Variants in NCOA6 observed in about 807,000 individuals in gnomAD.
NCOA6 encodes NRC RAP250.
Under a neutral mutation model 171.4 loss-of-function variants are expected in NCOA6, and 49 were observed. The ratio of observed to expected loss-of-function variants is 0.29; its 90% CI spans 0.23 to 0.36. The LOEUF (loss-of-function observed/expected upper bound fraction) is 0.36. Among genes scored for constraint, NCOA6 ranks in the 10% least tolerant of loss-of-function variants. The pLI, the probability that NCOA6 is intolerant of heterozygous loss-of-function variation, is 1.00. For synonymous variants in NCOA6, 910 were observed against 927.5 expected (o/e 0.98, Z 0.34); for missense variants, 2,248 against 2,554.5 (o/e 0.88, Z 2.59).
intron 3 of NCOA6, among the ~76,000 whole-genome samples, chr20:34,779,496 G>A (rs1355080634): frequency 6.6e-6 from 1 of 152,070 alleles, no homozygotes; most frequent in East Asian, 1.9e-4. Flanking sequence ...CCTGGGTGAT[G>A]GGGTGAGACA....
chr20:34,731,318 C>T (rs558688478), intron 13 of NCOA6, among the ~76,000 whole-genome samples: 1 of 152,366 alleles, frequency 6.6e-6, no homozygotes, highest in East Asian at 1.9e-4. Flanking sequence ...CTGCACCCAG[C>T]CTCATTCTAG....
At chr20:34,744,511 A>G (rs2145618156) in intron 10 of NCOA6, among the ~76,000 whole-genome samples, 1 of 152,300 alleles carries the variant, frequency 6.6e-6, no homozygotes, top group Non-Finnish European at 1.5e-5. Context: ...AATAAGAACA[A>G]CTGGCTCTGG....
chr20:34,759,116 C>A (rs1183360437), intron 5 of NCOA6, among the ~76,000 whole-genome samples, 183 bp from the exon 6 acceptor site: 2 of 151,780 alleles, frequency 1.3e-5, no homozygotes, highest in African/African-American at 4.8e-5. Flanking sequence ...ACTTCCCGGG[C>A]CCAAGTGATC....
intron 1 of NCOA6, among the ~76,000 whole-genome samples, chr20:34,797,750 T>C (rs2078124608): frequency 6.6e-6 from 1 of 151,856 alleles, no homozygotes; most frequent in East Asian, 1.9e-4. Flanking sequence ...TAGCTGGGCG[T>C]GGTGGTGCAT....
At chr20:34,820,597 C>T (rs1047599682) in intron 1 of NCOA6, 10 of 151,568 alleles carry the variant, frequency 6.6e-5, no homozygotes, top group African/African-American at 2.2e-4. Flanking sequence ...ATGATGAAAC[C>T]CCATCCCTAC....
intron 8 of NCOA6, among the ~76,000 whole-genome samples, chr20:34,752,833 G>C (rs1185988572): frequency 6.7e-6 from 1 of 149,876 alleles, no homozygotes; most frequent in East Asian, 2.0e-4. Flanking sequence ...AAAAACGCTT[G>C]AACCTGGGAG....
In NCOA6 at chr20:34,776,309, G is replaced by A; in HGVS notation, c.375C>T (p.Leu125=). 1 of 1,613,930 alleles carries A rather than the reference G, an allele frequency of 6.2e-7. No individual in the cohort carries two copies. Among genetic ancestry groups the A allele is most frequent in the Non-Finnish European group, 8.5e-7 (1 of 1,180,018 alleles). The change falls in exon 4 of 15, where the codon CTC becomes CTT. Residue 125 remains leucine (L), a synonymous_variant. Transcript: ENST00000359003. ...GTAAAAGACCTTCAATCTGAACGGAGAGAATCCCTAAATCCCGAAGCTGCT... is the reference window on the plus strand; with the variant it reads ...GTAAAAGACCTTCAATCTGAACGGAAAGAATCCCTAAATCCCGAAGCTGCT... ...NNQQLRDLGI[L]SVQIEGEGAI...
chr20:34,757,950 T>C lies in NCOA6; in HGVS notation c.798A>G (p.Gln266=), dbSNP rs1295612325. The change falls in exon 7 of 15, where the codon CAA becomes CAG. Residue 266 remains glutamine (Q), a synonymous_variant. Transcript: ENST00000359003. Reference sequence around the variant, plus strand: ...GCTGCTGCTGCTGCTGCTGTTGTTGTTGTTGCTGCTGCTGCTGCAGCTGGG... The same window carrying C: ...GCTGCTGCTGCTGCTGCTGTTGTTGCTGTTGCTGCTGCTGCTGCAGCTGGG... ...NFPQLQQQQQ[Q]QQQQQQQQQQ... is the part of the protein sequence containing the mutation. 2.5e-6 allele frequency: 4 copies of C among 1,613,654 alleles called. No homozygotes were observed. The African/African-American group carries it at 4.0e-5, about 16-fold the overall frequency.
intron 13 of NCOA6, among the ~76,000 whole-genome samples, chr20:34,732,088 T>C (rs2075801526): frequency 6.6e-6 from 1 of 152,216 alleles, no homozygotes; most frequent in African/African-American, 2.4e-5. Flanking sequence ...GTTGAAGCCA[T>C]AGATGTATGT....
intron 5 of NCOA6, among the ~76,000 whole-genome samples, chr20:34,767,679 T>C (rs560969733): frequency 6.6e-6 from 1 of 152,208 alleles, no homozygotes; most frequent in South Asian, 2.1e-4. Context: ...GGGGAATGAC[T>C]GGGTAAGCAG....
chr20:34,757,839 T>C lies in NCOA6; in HGVS notation c.909A>G (p.Arg303=). Residue 303 remains arginine, a synonymous_variant, in exon 7 of 15, where the codon CGA becomes CGG. Transcript: ENST00000359003. ...QHQQQQPQGI[R]PQFTAPTQVP... ...CCTGAGTTGGGGCAGTAAACTGGGG[T>C]CGAATTCCCTGTGGCTGTTGCTGCT... 6.2e-7 allele frequency: 1 copy of C among 1,613,946 alleles called. No homozygotes were observed. The highest frequency in any genetic ancestry group is 8.5e-7 in the Non-Finnish European group (1 of 1,179,982).
At chr20:34,751,692 T>C (rs2069904103) in intron 8 of NCOA6, among the ~76,000 whole-genome samples, 3 of 152,134 alleles carry the variant, frequency 2.0e-5, no homozygotes, top group African/African-American at 7.2e-5. Flanking sequence ...GCGCAGTCCC[T>C]GGTGAATCAT....
intron 10 of NCOA6, among the ~76,000 whole-genome samples, chr20:34,743,999 A>C (rs182689587): frequency 7.2e-5 from 11 of 152,356 alleles, no homozygotes; most frequent in African/African-American, 2.4e-4. Flanking sequence ...AAACCGACTG[A>C]ATTAAAATTG....
intron 4 of NCOA6, among the ~76,000 whole-genome samples, chr20:34,769,927 A>C (rs2077094400): frequency 1.3e-5 from 2 of 152,138 alleles, no homozygotes. Flanking sequence ...GAAAGGCTGC[A>C]CTCACCCAAG....
chr20:34,788,915 G>A (rs898179960), intron 2 of NCOA6, among the ~76,000 whole-genome samples: 1 of 152,116 alleles, frequency 6.6e-6, no homozygotes, highest in Non-Finnish European at 1.5e-5. Context: ...ATTCCAGCCT[G>A]GGTAACAAGA....
At chr20:34,724,354 A>T (rs1989715859) in intron 14 of NCOA6, among the ~76,000 whole-genome samples, 1 of 152,142 alleles carries the variant, frequency 6.6e-6, no homozygotes, top group Non-Finnish European at 1.5e-5. Context: ...GGCTCTTGTG[A>T]GGCATCGTGA....
intron 12 of NCOA6, among the ~76,000 whole-genome samples, chr20:34,734,081 T>C (rs534427100): frequency 1.3e-5 from 2 of 152,124 alleles, no homozygotes; most frequent in Admixed American, 6.5e-5. Flanking sequence ...CTCATTGTTT[T>C]TTATTTTTTT....
intron 1 of NCOA6, chr20:34,819,867 T>C (rs540954198): frequency 6.6e-6 from 1 of 152,214 alleles, no homozygotes; most frequent in Admixed American, 6.5e-5. Flanking sequence ...GTTTTATTTG[T>C]CCAAGGTCAC....
At position 34,749,704 on chromosome 20, in the gene NCOA6, G is replaced by A. The variant is rs370085284; in HGVS notation, c.2491C>T (p.Pro831Ser). The stretch of plus-strand genomic sequence containing the variant: ...TTTCCCTGCATGGCCTGCACATGAG[G>A]GGGGACCATGTTGGTTTGTTGAATG... The part of the protein sequence containing the change: ...VSIQQTNMVP[P>S]HVQAMQGNSA... Residue 831 changes from proline (P) to serine (S), a missense_variant, in exon 9 of 15, where the codon CCT becomes TCT. Transcript: ENST00000359003. 4 of 1,614,202 alleles carry A rather than the reference G, an allele frequency of 2.5e-6. No homozygotes were observed. The highest frequency in any genetic ancestry group is 3.4e-6 in the Non-Finnish European group (4 of 1,180,042).
Sources: gnomAD v4.1 joint callset for allele counts (sites outside exome capture counted in the v4.1 genomes callset) on GRCh38, gnomAD v4.1.1 for gene constraint, MANE v1.5 for transcripts, NCBI Gene and HGNC (gene_info 2026-07-23, HGNC 2026-07-21) for gene names.